Variants in CFAP61 observed in about 807,000 individuals in gnomAD.
The protein encoded by CFAP61 is cilia- and flagella-associated protein 61.
CFAP61 carries 107 observed loss-of-function variants against 135.6 expected under a neutral mutation model. That is an observed-to-expected ratio of 0.79 (90% CI 0.67 to 0.93). CFAP61 has a LOEUF of 0.93. CFAP61 is among the 40% of genes least tolerant of loss of function. The probability of loss-of-function intolerance (pLI) is 0.00; values close to 1 mark genes in which losing one functional copy is unlikely to be tolerated. For missense variants in CFAP61, 1,507 were observed against 1,556.2 expected, an observed-to-expected ratio of 0.97 and a Z score of 0.53; for synonymous variants, 575 against 578.5, an observed-to-expected ratio of 0.99 and a Z score of 0.09.
intron 8 of CFAP61, among the ~76,000 whole-genome samples, chr20:20,123,016 C>T (rs1165279460): frequency 6.6e-6 from 1 of 151,658 alleles, no homozygotes; most frequent in Non-Finnish European, 1.5e-5. Flanking sequence ...TTTCCCTGAT[C>T]ATTAGTGATG....
intron 21 of CFAP61, chr20:20,265,983 GCCCGTCC>G (rs1320083718): frequency 1.3e-5 from 2 of 155,176 alleles, no homozygotes; most frequent in African/African-American, 4.8e-5. Context: ...AGGACAGAAA[GCCCGTCC>G]CCACCTGAGC....
chr20:20,256,880 TC>T (rs1453236708), intron 20 of CFAP61, among the ~76,000 whole-genome samples: 3 of 152,326 alleles, frequency 2.0e-5, no homozygotes, highest in Admixed American at 2.0e-4. Context: ...TTCAATTCTT[TC>T]TTAGTCACCC....
intron 20 of CFAP61, among the ~76,000 whole-genome samples, chr20:20,260,717 T>C (rs2052103244): frequency 6.6e-6 from 1 of 152,262 alleles, no homozygotes; most frequent in South Asian, 2.1e-4. Context: ...CTACTTGAAA[T>C]GATAACTCAT....
intron 18 of CFAP61, among the ~76,000 whole-genome samples, chr20:20,228,868 C>A (rs1399993078): frequency 6.6e-6 from 1 of 152,234 alleles, no homozygotes; most frequent in African/African-American, 2.4e-5. Context: ...ACCCAACTTA[C>A]AGAATCTGGA....
At chr20:20,164,381 A>G (rs1412345685) in intron 11 of CFAP61, among the ~76,000 whole-genome samples, 153 bp downstream of exon 11, 3 of 152,204 alleles carry the variant, frequency 2.0e-5, no homozygotes, top group African/African-American at 7.2e-5. Context: ...CCTAAGCCCC[A>G]TCCAGAGATT....
At chr20:20,237,727 G>T (rs1437993320) in intron 18 of CFAP61, among the ~76,000 whole-genome samples, 1 of 152,180 alleles carries the variant, frequency 6.6e-6, no homozygotes, top group Non-Finnish European at 1.5e-5. Flanking sequence ...TTTCCCAGTG[G>T]TCTTAAAATT....
chr20:20,159,335 G>A (rs373873090), intron 9 of CFAP61, 35 bp from the exon 10 acceptor site: 276 of 1,605,958 alleles, frequency 1.7e-4, no homozygotes, highest in Non-Finnish European at 2.2e-4. Flanking sequence ...TGTAGGTGTC[G>A]ATTAATTTTC....
chr20:20,103,570 A>C (rs2048171400), intron 8 of CFAP61, among the ~76,000 whole-genome samples: 1 of 152,208 alleles, frequency 6.6e-6, no homozygotes, highest in East Asian at 1.9e-4. Flanking sequence ...GCTTGTGTGG[A>C]AGATTATACT....
chr20:20,340,963 T>G (rs1368757282), intron 25 of CFAP61, among the ~76,000 whole-genome samples: 1 of 152,140 alleles, frequency 6.6e-6, no homozygotes, highest in Admixed American at 6.6e-5. Flanking sequence ...TGGGACACTT[T>G]ACCTCCATCC....
At chr20:20,135,600 A>T (rs2050862927) in intron 8 of CFAP61, among the ~76,000 whole-genome samples, 1 of 152,212 alleles carries the variant, frequency 6.6e-6, no homozygotes, top group East Asian at 1.9e-4. Flanking sequence ...ATGACAACTT[A>T]ACACTGATTG....
At chr20:20,120,544 GATTCTGGAGAATCT>G (rs553078807) in intron 8 of CFAP61, among the ~76,000 whole-genome samples, 1 of 152,280 alleles carries the variant, frequency 6.6e-6, no homozygotes, top group African/African-American at 2.4e-5. Flanking sequence ...TGTGGCCTAA[GATTCTGGAGAATCT>G]ATTCTGGAGA....
At position 20,239,037 on chromosome 20, in the gene CFAP61, A is replaced by T. The variant is rs575860322; in HGVS notation, c.2061-7080A>T. Among the ~76,000 whole-genome samples, 7 of 152,078 alleles carry T rather than the reference A, an allele frequency of 4.6e-5. No homozygotes were observed. The South Asian group carries it at 1.5e-3, about 32-fold the overall frequency. ...GTGATGTTAGATATTGTTTATATAC[A>T]TTAAGCCAACACCATTAGATCTGAG... On this transcript the variant is annotated intron_variant, in intron 18 of 26. Coordinates refer to ENST00000245957, the MANE Select transcript of CFAP61 (RefSeq NM_015585.4).
chr20:20,089,694 G>T (rs1294748551), intron 6 of CFAP61, among the ~76,000 whole-genome samples: 1 of 151,972 alleles, frequency 6.6e-6, no homozygotes, highest in Non-Finnish European at 1.5e-5. Flanking sequence ...AAATCCTGCA[G>T]CAAGATGGAA....
chr20:20,352,510 T>C (rs894253966), intron 26 of CFAP61, among the ~76,000 whole-genome samples: 18 of 152,150 alleles, frequency 1.2e-4, no homozygotes, highest in African/African-American at 4.3e-4. Flanking sequence ...TGGGACAGGA[T>C]AGAGAGTCAT....
chr20:20,133,808 C>T (rs1041623376), intron 8 of CFAP61, among the ~76,000 whole-genome samples: 2 of 152,170 alleles, frequency 1.3e-5, no homozygotes, highest in Non-Finnish European at 2.9e-5. Flanking sequence ...GAATTGTCAA[C>T]GTATTAAGCT....
At chr20:20,071,129 A>T in intron 3 of CFAP61, 125 bp downstream of exon 3, 1 of 984,456 alleles carries the variant, frequency 1.0e-6, no homozygotes, top group Non-Finnish European at 1.5e-6. Context: ...TTAAAAGTGA[A>T]GGGAGCTGGT....
chr20:20,135,045 G>T (rs1042389071), intron 8 of CFAP61, among the ~76,000 whole-genome samples: 2 of 151,856 alleles, frequency 1.3e-5, no homozygotes, highest in Non-Finnish European at 2.9e-5. Context: ...ATTATCTAAG[G>T]TGCCCTAAAT....
At chr20:20,242,065 A>G (rs551431449) in intron 18 of CFAP61, among the ~76,000 whole-genome samples, 4 of 152,222 alleles carry the variant, frequency 2.6e-5, no homozygotes, top group Non-Finnish European at 5.9e-5. Context: ...TGTCAGGTTC[A>G]GTTGAGTTTA....
chr20:20,202,277 A>T (rs1323547006), intron 17 of CFAP61, among the ~76,000 whole-genome samples: 1 of 152,160 alleles, frequency 6.6e-6, no homozygotes, highest in Non-Finnish European at 1.5e-5. Context: ...TCTAACACAG[A>T]TGCCTGCTAC....
Sources: allele counts gnomAD v4.1 joint callset (sites outside exome capture counted in the v4.1 genomes callset), GRCh38; gene constraint gnomAD v4.1.1; transcripts MANE v1.5; gene names NCBI Gene and HGNC (gene_info 2026-07-23, HGNC 2026-07-21).